INAVA: variants seen among roughly 807,000 people sequenced by gnomAD.
The protein encoded by INAVA is innate immunity activator.
A neutral mutation model predicts 55.3 loss-of-function variants in INAVA; 32 were observed. That is an observed-to-expected ratio of 0.58 (90% CI 0.44 to 0.78). The LOEUF (loss-of-function observed/expected upper bound fraction) is 0.78. Ranked by LOEUF, INAVA falls within the 30% of genes least tolerant of loss-of-function variation. INAVA has a pLI of 0.00. For synonymous variants in INAVA, 294 were observed against 329.4 expected (o/e 0.89, Z 1.16); for missense variants, 756 against 786.4 (o/e 0.96, Z 0.46).
At chr1:200,909,101 G>A (rs1178954893) in intron 7 of INAVA, 123 bp from the exon 8 acceptor site, 13 of 1,315,030 alleles carry the variant, frequency 9.9e-6, no homozygotes, top group Non-Finnish European at 1.1e-5. Context: ...GTTCCCCAAG[G>A]GTGCTGGCAG....
upstream of INAVA, among the ~76,000 whole-genome samples, chr1:200,893,723 A>G (rs1278344960): frequency 6.6e-6 from 1 of 152,140 alleles, no homozygotes; most frequent in African/African-American, 2.4e-5. Context: ...CAGGAATGTG[A>G]AGGTGTGCTG....
rs373390981 is a variant in INAVA at position 200,903,348 on chromosome 1, G to A, written c.520+2189G>A. Among the ~76,000 whole-genome samples the A allele has an allele frequency of 7.2e-4, 109 of 152,062 alleles. 1 individual carries two copies. The highest frequency in any genetic ancestry group is 2.2e-3 in the African/African-American group (93 of 41,454). On this transcript the variant is annotated intron_variant, in intron 5 of 9. Coordinates refer to ENST00000413687, the MANE Select transcript of INAVA (RefSeq NM_001142569.3). The stretch of plus-strand genomic sequence containing the variant: ...AAAATACAAAAATTAGCCAGACATG[G>A]TGGTGCATGTCTGTAGTCCCAGCTA...
intron 6 of INAVA, 53 bp downstream of exon 6, chr1:200,907,940 C>T (rs753177694): frequency 1.5e-4 from 227 of 1,493,060 alleles, no homozygotes; most frequent in Non-Finnish European, 1.8e-4. Context: ...TACTGCAAGA[C>T]CATGGGGTTT....
chr1:200,898,367 C>T lies in INAVA; in HGVS notation c.-34C>T, dbSNP rs530365199. 9 of 1,614,172 alleles carry T rather than the reference C, an allele frequency of 5.6e-6. No individual in the cohort carries two copies. The East Asian group carries it at 1.3e-4, about 24-fold the overall frequency. Reference sequence around the variant, plus strand: ...CAGGCTGGTCACGGTGTCCCCCCTCCCTGCTCTGTGCCCTCTCCTTCCAGA... The same window carrying T: ...CAGGCTGGTCACGGTGTCCCCCCTCTCTGCTCTGTGCCCTCTCCTTCCAGA... On this transcript the variant is annotated 5_prime_UTR_variant, in exon 2 of 10. Transcript: ENST00000413687.
In INAVA at chr1:200,903,424, G is replaced by C. The variant is rs1414569951; in HGVS notation, c.520+2265G>C. On this transcript the variant is annotated intron_variant, in intron 5 of 9. Coordinates refer to ENST00000413687, the MANE Select transcript of INAVA (RefSeq NM_001142569.3). ...CCTTGAACCTGGGAGGTGGAGCCCA[G>C]GATCAAGGGAGCCGAGATCGTGCCA... Among the ~76,000 whole-genome samples, 6 of 151,858 alleles carry C rather than the reference G, an allele frequency of 4.0e-5. No homozygotes were observed. In the East Asian group the frequency reaches 1.2e-3, roughly 30 times the overall value.
chr1:200,902,017 C>T (rs1385617178), intron 5 of INAVA, among the ~76,000 whole-genome samples: 1 of 152,166 alleles, frequency 6.6e-6, no homozygotes, highest in African/African-American at 2.4e-5. Flanking sequence ...AACCCCACCG[C>T]AGCAGGCCCA....
At chr1:200,908,538 G>C (rs1653584105) in intron 6 of INAVA, 192 bp from the exon 7 acceptor site, 6 of 516,004 alleles carry the variant, frequency 1.2e-5, no homozygotes. Context: ...AAATAGGGCT[G>C]TGTGGGAAGA....
intron 5 of INAVA, among the ~76,000 whole-genome samples, chr1:200,903,470 AGAGT>A (rs1225034122): frequency 1.3e-5 from 2 of 152,054 alleles, no homozygotes; most frequent in Non-Finnish European, 2.9e-5. Flanking sequence ...GCCTGGCAAC[AGAGT>A]GAGACTTTGT....
upstream of INAVA, among the ~76,000 whole-genome samples, chr1:200,892,938 C>T (rs1298724182): frequency 2.0e-5 from 3 of 152,180 alleles, no homozygotes; most frequent in Non-Finnish European, 4.4e-5. Context: ...CTAACCTCCC[C>T]TGAAGTCAGA....
intron 1 of INAVA, among the ~76,000 whole-genome samples, chr1:200,897,414 G>A (rs1213694574): frequency 1.3e-5 from 2 of 152,188 alleles, no homozygotes; most frequent in Non-Finnish European, 2.9e-5. Flanking sequence ...GGCATACAGT[G>A]GCTGCACATA....
rs756147177 is a variant in INAVA at position 200,901,045 on chromosome 1, C to T, written c.406C>T (p.Arg136Trp). 7 of 1,546,746 alleles carry T rather than the reference C, an allele frequency of 4.5e-6. No individual in the cohort carries two copies. The highest frequency in any genetic ancestry group is 2.4e-5 in the South Asian group (2 of 84,000). The change falls in exon 5 of 10, where the codon CGG becomes TGG. Residue 136 changes from arginine to tryptophan, a missense_variant. This residue lies in a region of INAVA where 639 missense variants were observed against 624.3 expected (regional missense o/e 1.02). Transcript: ENST00000413687. ...CCTCAGCAGGCAGGCTCGGCGGCAG[C>T]GGAAGCACTCCATGCTGCAGGAGGA... Reference protein sequence around the residue: ...ENLSRQARRQRKHSMLQEEKK... With the variant: ...ENLSRQARRQWKHSMLQEEKK...
upstream of INAVA, among the ~76,000 whole-genome samples, chr1:200,893,722 GA>G (rs1350552697): frequency 2.0e-5 from 3 of 152,224 alleles, no homozygotes; most frequent in African/African-American, 7.2e-5. Flanking sequence ...ACAGGAATGT[GA>G]AGGTGTGCTG....
chr1:200,891,889 A>T (rs550023233), upstream of INAVA, among the ~76,000 whole-genome samples: 6 of 152,172 alleles, frequency 3.9e-5, no homozygotes, highest in South Asian at 1.2e-3. Flanking sequence ...TTCTCCTTCG[A>T]CCTTCTTCGT....
chr1:200,905,312 A>G (rs908645123), intron 5 of INAVA, among the ~76,000 whole-genome samples: 3 of 152,174 alleles, frequency 2.0e-5, no homozygotes, highest in African/African-American at 7.2e-5. Context: ...TTGGGAGGCC[A>G]AGGCAGGAGG....
At chr1:200,899,971 A>G (rs1368010159) in intron 3 of INAVA, 133 bp from the exon 4 acceptor site, 1 of 705,594 alleles carries the variant, frequency 1.4e-6, no homozygotes. Context: ...GACAGTGTGG[A>G]GGATGGGATG....
At chr1:200,907,362 A>G (rs923959486) in intron 5 of INAVA, among the ~76,000 whole-genome samples, 1 of 152,056 alleles carries the variant, frequency 6.6e-6, no homozygotes, top group South Asian at 2.1e-4. Flanking sequence ...CCATGTAGTA[A>G]GTTTACAGCC....
chr1:200,901,235 C>A, intron 5 of INAVA, 76 bp downstream of exon 5: 1 of 1,361,206 alleles, frequency 7.3e-7, no homozygotes, highest in Non-Finnish European at 9.7e-7. Flanking sequence ...AGCCCCGTGC[C>A]ACTGCCTTTG....
At position 200,909,163 on chromosome 1, in the gene INAVA, A is replaced by C. The variant is rs182909472; in HGVS notation, c.786-61A>C. ...TTCCACTGCATCCCCATTCTTCTGC[A>C]CCTCTTGAGCCCCTGAATGGAGGCA... On this transcript the variant is annotated intron_variant, in intron 7 of 9. Coordinates refer to ENST00000413687, the MANE Select transcript of INAVA (RefSeq NM_001142569.3). 133 of 1,462,628 alleles carry C rather than the reference A, an allele frequency of 9.1e-5. No homozygotes were observed. The African/African-American group carries it at 1.8e-3, about 19-fold the overall frequency. The allele number at this position is 1,462,628 out of a possible 1,614,324, so 90.6% of individuals were successfully genotyped here.
At chr1:200,905,464 T>C (rs1403395403) in intron 5 of INAVA, among the ~76,000 whole-genome samples, 2 of 152,062 alleles carry the variant, frequency 1.3e-5, no homozygotes, top group African/African-American at 4.8e-5. Context: ...AGGTGGGAGA[T>C]TGATTGAGCT....
Sources: gnomAD v4.1 joint callset for allele counts (sites outside exome capture counted in the v4.1 genomes callset) on GRCh38, gnomAD v4.1.1 for gene constraint, gnomAD v4.1.1 regional missense constraint, MANE v1.5 for transcripts, NCBI Gene and HGNC (gene_info 2026-07-23, HGNC 2026-07-21) for gene names.